SEZ6L: variants seen among roughly 807,000 people sequenced by gnomAD.
SEZ6L encodes the protein seizure related 6 homolog like.
Under a neutral mutation model 106.2 loss-of-function variants are expected in SEZ6L, and 37 were observed. The observed-to-expected ratio is 0.35, with a 90% confidence interval of 0.27 to 0.46. The LOEUF is 0.46. Among genes scored for constraint, SEZ6L ranks in the 20% least tolerant of loss-of-function variants. The pLI, the probability that SEZ6L is intolerant of heterozygous loss-of-function variation, is 1.00. For missense variants in SEZ6L, 1,172 were observed against 1,332.8 expected (o/e 0.88, Z 1.88); for synonymous variants, 541 against 570.4 (o/e 0.95, Z 0.73).
rs776153175 is a variant in SEZ6L, at chr22:26,324,093, CACACACACAA to C, written c.2015+10201_2015+10210del. Among the ~76,000 whole-genome samples the C allele has an allele frequency of 5.6e-3, 836 of 150,586 alleles. 3 individuals are homozygous for C. Among genetic ancestry groups the C allele is most frequent in the Middle Eastern group, 0.014 (4 of 294 alleles). On this transcript the variant is annotated intron_variant, in intron 9 of 16. Coordinates refer to ENST00000248933, the MANE Select transcript of SEZ6L (RefSeq NM_021115.5). ...ACACACACACACACACACACACACA[CACACACACAA>C]ACACACACACACACACAAACGGTAG...
At position 26,346,085 on chromosome 22, in the gene SEZ6L, T is replaced by A. The variant is rs549908115; in HGVS notation, c.2213-1634T>A. ...CTCTGTCACCGAGCCTGGAGTGCAGTGAAGCCTTCATGGCTCGCTGCAGTC... is the reference window on the plus strand; with the variant it reads ...CTCTGTCACCGAGCCTGGAGTGCAGAGAAGCCTTCATGGCTCGCTGCAGTC... On this transcript the variant is annotated intron_variant, in intron 10 of 16. Coordinates refer to ENST00000248933, the MANE Select transcript of SEZ6L (RefSeq NM_021115.5). 1.2e-4 allele frequency among the ~76,000 whole-genome samples: 19 copies of A among 152,258 alleles called. 1 individual carries two copies. The South Asian group carries it at 3.7e-3, about 30-fold the overall frequency.
chr22:26,348,572 A>AGGG (rs1261156649), intron 11 of SEZ6L, among the ~76,000 whole-genome samples: 5 of 100,230 alleles, frequency 5.0e-5, no homozygotes, highest in Non-Finnish European at 9.1e-5. Flanking sequence ...GGAGGAAAGA[A>AGGG]AGAAAGAAAG....
chr22:26,237,109 G>A (rs73156833), intron 1 of SEZ6L, among the ~76,000 whole-genome samples: 27,892 of 152,038 alleles, frequency 0.18, 3,007 homozygotes, highest in South Asian at 0.33. Context: ...TGCTCAACTC[G>A]AGGTGTGACT....
chr22:26,336,108 G>A (rs564618074), intron 9 of SEZ6L, among the ~76,000 whole-genome samples: 7 of 152,262 alleles, frequency 4.6e-5, no homozygotes, highest in East Asian at 1.9e-4. Flanking sequence ...TGTCTAAGCC[G>A]TGCAATACTT....
chr22:26,284,632 A>T (rs1039419074), intron 1 of SEZ6L, among the ~76,000 whole-genome samples: 11 of 146,194 alleles, frequency 7.5e-5, no homozygotes, highest in Non-Finnish European at 1.6e-4. Context: ...AAAAAAAAAA[A>T]CCCTAATGAC....
intron 4 of SEZ6L, among the ~76,000 whole-genome samples, chr22:26,297,752 T>A (rs1395859698): frequency 1.3e-5 from 2 of 151,752 alleles, no homozygotes; most frequent in Non-Finnish European, 2.9e-5. Context: ...TCTCTTCTCC[T>A]CCCTCTTTGC....
At chr22:26,209,003 G>A (rs1431841107) in intron 1 of SEZ6L, among the ~76,000 whole-genome samples, 2 of 151,042 alleles carry the variant, frequency 1.3e-5, no homozygotes, top group African/African-American at 4.9e-5. Context: ...ACCTATCTTC[G>A]AGTTTATTTA....
chr22:26,373,681 C>A (rs1284236953), intron 14 of SEZ6L, among the ~76,000 whole-genome samples, 198 bp downstream of exon 14: 1 of 152,020 alleles, frequency 6.6e-6, no homozygotes, highest in African/African-American at 2.4e-5. Flanking sequence ...CTAACAATAA[C>A]CTGAAAGGGA....
In SEZ6L at chr22:26,292,614, G is replaced by C. The variant is rs140909448; in HGVS notation, c.303G>C (p.Pro101=). ...SAHHDIPALS[P]LLPEEARPKH... ...ATCACGACATCCCAGCCCTGTCACC[G>C]CTGCTTCCAGAGGAGGCCCGCCCCA... Residue 101 remains proline, a synonymous_variant, in exon 2 of 17, where the codon CCG becomes CCC. Coordinates refer to ENST00000248933, the MANE Select transcript of SEZ6L (RefSeq NM_021115.5). The C allele has an allele frequency of 6.2e-7, 1 of 1,612,946 alleles. No individual in the cohort carries two copies. The highest frequency in any genetic ancestry group is 1.3e-5 in the African/African-American group (1 of 75,014).
chr22:26,353,546 C>A (rs527940816), intron 12 of SEZ6L, among the ~76,000 whole-genome samples: 1 of 152,214 alleles, frequency 6.6e-6, no homozygotes, highest in Non-Finnish European at 1.5e-5. Flanking sequence ...CACACTTGGT[C>A]CCCAAGCCCC....
At chr22:26,309,381 G>A (rs1355170860) in intron 6 of SEZ6L, among the ~76,000 whole-genome samples, 2 of 152,164 alleles carry the variant, frequency 1.3e-5, no homozygotes, top group Non-Finnish European at 2.9e-5. Flanking sequence ...ACGACGTTAT[G>A]GTTGGGTCTC....
intron 1 of SEZ6L, among the ~76,000 whole-genome samples, chr22:26,267,738 T>C (rs1439309386): frequency 6.6e-6 from 1 of 152,158 alleles, no homozygotes; most frequent in Non-Finnish European, 1.5e-5. Context: ...AATAGTGAAT[T>C]TGGGCATTGC....
chr22:26,348,041 G>A (rs1601571374), intron 11 of SEZ6L, 128 bp downstream of exon 11: 11 of 692,644 alleles, frequency 1.6e-5, no homozygotes, highest in East Asian at 6.3e-5. Context: ...ACCAATTCAC[G>A]AGCATTGCTC....
intron 1 of SEZ6L, among the ~76,000 whole-genome samples, chr22:26,291,760 T>C (rs2081116117): frequency 6.6e-6 from 1 of 152,226 alleles, no homozygotes; most frequent in East Asian, 1.9e-4. Flanking sequence ...ATGGCATGCC[T>C]GTCCTGCAGA....
chr22:26,340,635 A>C lies in SEZ6L; in HGVS notation c.2212+3A>C. The stretch of plus-strand genomic sequence containing the variant: ...GGGATTTATCATGAACTACATAGGT[A>C]GGTGTCTCATCTGGTCAATTTATTT... On this transcript the variant is annotated splice_donor_region_variant and intron_variant, in intron 10 of 16. Transcript: ENST00000248933. 1 of 1,608,916 alleles carries C rather than the reference A, an allele frequency of 6.2e-7. No homozygotes were observed. The highest frequency in any genetic ancestry group is 1.3e-5 in the African/African-American group (1 of 74,864).
chr22:26,278,534 A>T (rs1168029651), intron 1 of SEZ6L, among the ~76,000 whole-genome samples: 1 of 152,162 alleles, frequency 6.6e-6, no homozygotes, highest in Non-Finnish European at 1.5e-5. Flanking sequence ...AAGTGAGAAC[A>T]TGCAGTATTT....
intron 8 of SEZ6L, 136 bp from the exon 9 acceptor site, chr22:26,313,628 C>A: frequency 2.2e-6 from 2 of 889,146 alleles, no homozygotes; most frequent in Non-Finnish European, 3.5e-6. Flanking sequence ...GTGCTGGCTG[C>A]CCGAGGTGAA....
At position 26,299,188 on chromosome 22, in the gene SEZ6L, C is replaced by G. The variant is rs569213610; in HGVS notation, c.1348+19C>G. On this transcript the variant is annotated intron_variant, in intron 5 of 16. Transcript: ENST00000248933. ...TGCTCAGGTATGCTCCAGCCTCAGC[C>G]GGACCAAACCTGATGGTCCAACTAA... is the stretch of plus-strand genomic sequence containing the variant. 2 of 1,389,516 alleles carry G rather than the reference C, an allele frequency of 1.4e-6. No individual in the cohort carries two copies. Among genetic ancestry groups the G allele is most frequent in the South Asian group, 3.6e-5 (2 of 54,952 alleles). 86.1% of individuals were successfully genotyped at this position (1,389,516 alleles called of 1,614,324 possible).
intron 1 of SEZ6L, among the ~76,000 whole-genome samples, chr22:26,207,535 T>C (rs193276356): frequency 4.7e-4 from 71 of 152,372 alleles, no homozygotes; most frequent in Admixed American, 4.5e-3. Context: ...TGTTTATTGA[T>C]ATGGGTGGAT....
Sources: allele counts gnomAD v4.1 joint callset (sites outside exome capture counted in the v4.1 genomes callset), GRCh38; gene constraint gnomAD v4.1.1; transcripts MANE v1.5; gene names NCBI Gene and HGNC (gene_info 2026-07-23, HGNC 2026-07-21).